HABP4: variants seen among roughly 807,000 people sequenced by gnomAD.
The protein encoded by HABP4 is intracellular hyaluronan-binding protein 4.
HABP4 carries 32 observed loss-of-function variants against 44.1 expected under a neutral mutation model. The ratio of observed to expected loss-of-function variants is 0.73; its 90% CI spans 0.55 to 0.97. HABP4 has a LOEUF of 0.97. HABP4 is among the 50% of genes least tolerant of loss of function. The pLI is 0.00. For synonymous variants in HABP4, 216 were observed against 218.0 expected, an observed-to-expected ratio of 0.99 and a Z score of 0.08; for missense variants, 503 against 561.9, an observed-to-expected ratio of 0.90 and a Z score of 1.06.
At chr9:96,478,923 C>T (rs1310184286) in intron 5 of HABP4, among the ~76,000 whole-genome samples, 2 of 152,090 alleles carry the variant, frequency 1.3e-5, no homozygotes, top group Non-Finnish European at 2.9e-5. Context: ...CCGTGTCTAG[C>T]TTCATTGTGG....
chr9:96,457,117 C>T lies in HABP4; in HGVS notation c.350-1262C>T, dbSNP rs536964471. On this transcript the variant is annotated intron_variant, in intron 1 of 7. Coordinates refer to ENST00000375249, the MANE Select transcript of HABP4 (RefSeq NM_014282.4). ...CAGAGGAAAAGACCAGAGTCTCGGC[C>T]GGGCACGGTGGCTCACGCCTGTAAT... is the stretch of plus-strand genomic sequence containing the variant. Among the ~76,000 whole-genome samples the T allele has an allele frequency of 4.6e-5, 7 of 151,950 alleles. No individual in the cohort carries two copies. In the South Asian group the frequency reaches 1.5e-3, roughly 32 times the overall value.
intron 5 of HABP4, among the ~76,000 whole-genome samples, chr9:96,477,343 A>G (rs954408295): frequency 1.3e-5 from 2 of 152,226 alleles, no homozygotes; most frequent in Non-Finnish European, 2.9e-5. Context: ...ATGGAAAATT[A>G]TACAAATTAA....
At chr9:96,486,186 C>T (rs1832973251) in intron 6 of HABP4, among the ~76,000 whole-genome samples, 1 of 152,052 alleles carries the variant, frequency 6.6e-6, no homozygotes, top group African/African-American at 2.4e-5. Flanking sequence ...AGTGAGACTT[C>T]GTCTCCAAAC....
intron 1 of HABP4, among the ~76,000 whole-genome samples, chr9:96,456,353 A>G (rs1435387891): frequency 1.3e-5 from 2 of 152,220 alleles, no homozygotes; most frequent in Non-Finnish European, 2.9e-5. Flanking sequence ...ACCTGTACCC[A>G]GATGATAAAG....
At chr9:96,482,077 A>G (rs1170905695) in intron 5 of HABP4, among the ~76,000 whole-genome samples, 1 of 151,976 alleles carries the variant, frequency 6.6e-6, no homozygotes, top group Non-Finnish European at 1.5e-5. Flanking sequence ...CTGGGACTAC[A>G]GGCACATTCC....
intron 2 of HABP4, among the ~76,000 whole-genome samples, chr9:96,460,085 A>G (rs947811228): frequency 1.3e-5 from 2 of 152,184 alleles, no homozygotes; most frequent in Non-Finnish European, 1.5e-5. Flanking sequence ...GCACAAACCC[A>G]TGTTTCCCCC....
At chr9:96,456,781 ATAT>A (rs1172916868) in intron 1 of HABP4, among the ~76,000 whole-genome samples, 338 of 30,098 alleles carry the variant, frequency 0.011, 8 homozygotes, top group African/African-American at 0.025. Context: ...AAAAAAAAAA[ATAT>A]ATATATATAT....
rs766758350 is a variant in HABP4, at chr9:96,450,322, G to A, written c.43G>A (p.Ala15Thr). The A allele has an allele frequency of 8.2e-6, 12 of 1,467,936 alleles. No individual in the cohort carries two copies. Among genetic ancestry groups the A allele is most frequent in the African/African-American group, 1.5e-5 (1 of 67,944 alleles). 90.9% of individuals were successfully genotyped at this position (1,467,936 alleles called of 1,614,324 possible). A position where few individuals can be genotyped will look rare whatever the true frequency, so the allele number is the denominator to read the frequency against. Residue 15 changes from alanine to threonine, a missense_variant, in exon 1 of 8, where the codon GCG becomes ACG. Physicochemically the swap from Ala to Thr is moderately conservative, Grantham distance 58. Around this residue, in one of 3 missense-constraint regions of HABP4, gnomAD observed 290 missense variants for 300.5 expected, o/e 0.97. Coordinates refer to ENST00000375249, the MANE Select transcript of HABP4 (RefSeq NM_014282.4). The surrounding 1 kb of genome is among the most constrained non-coding windows in gnomAD (Gnocchi z 4.8). ...LGSPVAAAGA[A>T]MQESFGCVVA... ...GAGTCCCGTGGCTGCCGCTGGCGCCGCGATGCAGGAGAGTTTCGGCTGCGT... is the reference window on the plus strand; with the variant it reads ...GAGTCCCGTGGCTGCCGCTGGCGCCACGATGCAGGAGAGTTTCGGCTGCGT...
chr9:96,450,236 G>T lies in HABP4; in HGVS notation c.-44G>T. Reference sequence around the variant, plus strand: ...CTGGCCGCCGGCTTCGCTGAGACGCGCTCGCGTGGGCTGCCCTCCCGGGCC... The same window carrying T: ...CTGGCCGCCGGCTTCGCTGAGACGCTCTCGCGTGGGCTGCCCTCCCGGGCC... On this transcript the variant is annotated 5_prime_UTR_variant, in exon 1 of 8. Transcript: ENST00000375249. The surrounding 1 kb of genome is among the most constrained non-coding windows in gnomAD (Gnocchi z 4.8). The T allele has an allele frequency of 7.5e-7, 1 of 1,326,494 alleles. No individual in the cohort carries two copies. The highest frequency in any genetic ancestry group is 3.3e-5 in the East Asian group (1 of 30,038). The allele number at this position is 1,326,494 out of a possible 1,614,324, so 82.2% of individuals were successfully genotyped here.
At chr9:96,457,198 C>G (rs1456844744) in intron 1 of HABP4, among the ~76,000 whole-genome samples, 1 of 152,054 alleles carries the variant, frequency 6.6e-6, no homozygotes, top group East Asian at 1.9e-4. Context: ...GAAACGTCGT[C>G]TCTACTGAAA....
At chr9:96,475,088 TAAC>T (rs1222380322) in intron 5 of HABP4, among the ~76,000 whole-genome samples, 1 of 152,082 alleles carries the variant, frequency 6.6e-6, no homozygotes, top group African/African-American at 2.4e-5. Flanking sequence ...AGAATAACTC[TAAC>T]ATTGGCCAGG....
chr9:96,450,659 C>A lies in HABP4; in HGVS notation c.349+31C>A. Reference sequence around the variant, plus strand: ...CGGGGACAGCGGGGTTAGCGGACCACGGCTCGGCCCGCTGTGAGACTGGGG... The same window carrying A: ...CGGGGACAGCGGGGTTAGCGGACCAAGGCTCGGCCCGCTGTGAGACTGGGG... On this transcript the variant is annotated intron_variant, in intron 1 of 7. Transcript: ENST00000375249. This position sits in a 1 kb window ranked among gnomAD's most constrained non-coding sequence, Gnocchi z 4.8. The A allele has an allele frequency of 8.0e-7, 1 of 1,244,882 alleles. No individual in the cohort carries two copies. Among genetic ancestry groups the A allele is most frequent in the Non-Finnish European group, 1.0e-6 (1 of 992,764 alleles). The allele number at this position is 1,244,882 out of a possible 1,614,324, so 77.1% of individuals were successfully genotyped here.
At chr9:96,486,531 A>ACGACATATCTTCCTTTCTGTAGG (rs1295817226) in intron 6 of HABP4, among the ~76,000 whole-genome samples, 1 of 152,084 alleles carries the variant, frequency 6.6e-6, no homozygotes, top group Non-Finnish European at 1.5e-5. Context: ...TCCACACCAG[A>ACGACATATCTTCCTTTCTGTAGG]TTTGTCCTCC....
chr9:96,484,195 ATGTTAATG>A, intron 5 of HABP4: 1 of 294,584 alleles, frequency 3.4e-6, no homozygotes, highest in South Asian at 6.7e-5. Context: ...GTGAAGTGTG[ATGTTAATG>A]TCATCAGGAT....
At chr9:96,477,517 C>T (rs948608341) in intron 5 of HABP4, among the ~76,000 whole-genome samples, 1 of 152,104 alleles carries the variant, frequency 6.6e-6, no homozygotes. Context: ...TTTTTAATAA[C>T]ATAACTGGAA....
intron 5 of HABP4, among the ~76,000 whole-genome samples, chr9:96,478,835 T>C (rs966053406): frequency 6.6e-5 from 10 of 151,820 alleles, no homozygotes; most frequent in African/African-American, 2.4e-4. Flanking sequence ...CTCGTTTTGG[T>C]ACCCAGGCTG....
intron 5 of HABP4, among the ~76,000 whole-genome samples, chr9:96,478,136 A>AT (rs145811128): frequency 1.3e-4 from 20 of 148,508 alleles, no homozygotes; most frequent in African/African-American, 2.2e-4. Context: ...TGCTATGAAC[A>AT]TTTTTTTTTT....
chr9:96,486,793 C>T lies in HABP4; in HGVS notation c.1000-1296C>T, dbSNP rs147027500. Reference sequence around the variant, plus strand: ...CCTAGTAACAACCTCGCGTAAGGCACTGGGCGGTGAAAGCACTTGGGCCAG... The same window carrying T: ...CCTAGTAACAACCTCGCGTAAGGCATTGGGCGGTGAAAGCACTTGGGCCAG... On this transcript the variant is annotated intron_variant, in intron 6 of 7. Transcript: ENST00000375249. 9.6e-3 allele frequency among the ~76,000 whole-genome samples: 1,454 copies of T among 152,162 alleles called. 41 individuals carry two copies. Among genetic ancestry groups the T allele is most frequent in the Non-Finnish European group, 0.015 (1,008 of 67,948 alleles).
At chr9:96,460,437 C>T (rs1387280060) in intron 2 of HABP4, among the ~76,000 whole-genome samples, 2 of 152,094 alleles carry the variant, frequency 1.3e-5, no homozygotes, top group African/African-American at 4.8e-5. Context: ...AAATGCATTT[C>T]CTAAAAACAT....
Sources: allele counts gnomAD v4.1 joint callset (sites outside exome capture counted in the v4.1 genomes callset), GRCh38; gene constraint gnomAD v4.1.1; regional missense constraint gnomAD v4.1.1; non-coding constraint Gnocchi (gnomAD v3.1); transcripts MANE v1.5; gene names NCBI Gene and HGNC (gene_info 2026-07-23, HGNC 2026-07-21).